The following TCERG1L variants were observed in gnomAD, a reference collection of about 807,000 sequenced individuals.
The protein encoded by TCERG1L is transcription elongation regulator 1 like.
TCERG1L carries 37 observed loss-of-function variants against 56.3 expected under a neutral mutation model. The ratio of observed to expected loss-of-function variants is 0.66; its 90% confidence interval spans 0.51 to 0.87. The LOEUF is 0.87. TCERG1L is among the 40% of genes least tolerant of loss of function. The probability of loss-of-function intolerance (pLI) is 0.00; values close to 1 mark genes in which losing one functional copy is unlikely to be tolerated. For synonymous variants in TCERG1L, 324 were observed against 326.3 expected (o/e 0.99, Z 0.08); for missense variants, 799 against 774.2 (o/e 1.03, Z -0.38).
chr10:131,166,892 G>T lies in TCERG1L; in HGVS notation c.857-7C>A. The T allele has an allele frequency of 6.2e-7, 1 of 1,605,354 alleles. No homozygotes were observed. Among genetic ancestry groups the T allele is most frequent in the South Asian group, 1.1e-5 (1 of 90,000 alleles). ...CCCCGCTCTGTCCTTGTATCTGTTG[G>T]GCCAAAGCAGTTGTCATTAACATTT... On this transcript the variant is annotated splice_polypyrimidine_tract_variant and splice_region_variant and intron_variant, in intron 4 of 11. Transcript: ENST00000368642.
chr10:131,256,992 G>GGAAAGAAAAGAAA (rs1846173501), intron 4 of TCERG1L, among the ~76,000 whole-genome samples: 8 of 59,214 alleles, frequency 1.4e-4, no homozygotes, highest in African/African-American at 3.9e-4. Flanking sequence ...AAGGAAGGAA[G>GGAAAGAAAAGAAA]GAAAGAAAGA....
chr10:131,123,292 G>A (rs1845531267), intron 8 of TCERG1L, among the ~76,000 whole-genome samples: 1 of 152,178 alleles, frequency 6.6e-6, no homozygotes. Flanking sequence ...CAAAGATGCT[G>A]GATGCTCAGG....
At chr10:131,094,856 T>C (rs1371544450) in intron 11 of TCERG1L, among the ~76,000 whole-genome samples, 1 of 151,974 alleles carries the variant, frequency 6.6e-6, no homozygotes, top group African/African-American at 2.4e-5. Context: ...CACGCTCCCC[T>C]GGCTAGACAG....
At chr10:131,236,616 G>A (rs1265760764) in intron 4 of TCERG1L, among the ~76,000 whole-genome samples, 1 of 152,220 alleles carries the variant, frequency 6.6e-6, no homozygotes, top group Non-Finnish European at 1.5e-5. Flanking sequence ...TTCGATGACA[G>A]CCATCCCCAC....
intron 7 of TCERG1L, among the ~76,000 whole-genome samples, chr10:131,138,044 A>G (rs1564799366): frequency 6.6e-6 from 1 of 152,194 alleles, no homozygotes; most frequent in Non-Finnish European, 1.5e-5. Context: ...AGAGGTGGGC[A>G]GATCACCTGA....
intron 4 of TCERG1L, among the ~76,000 whole-genome samples, chr10:131,229,443 C>T (rs1042197004): frequency 6.6e-6 from 1 of 152,218 alleles, no homozygotes. Context: ...ATGCTTCCTG[C>T]CCACATATAG....
Position 131,260,204 on chromosome 10 carries a change from C to T in TCERG1L, c.856+55G>A, listed in dbSNP as rs1340560078. 5.4e-6 allele frequency: 7 copies of T among 1,296,372 alleles called. No homozygotes were observed. Among genetic ancestry groups the T allele is most frequent in the Non-Finnish European group, 6.9e-6 (7 of 1,020,252 alleles). 80.3% of individuals were successfully genotyped at this position (1,296,372 alleles called of 1,614,324 possible). A position where few individuals can be genotyped will look rare whatever the true frequency, so the allele number is the denominator to read the frequency against. On this transcript the variant is annotated intron_variant, in intron 4 of 11. Transcript: ENST00000368642. The surrounding 1 kb of genome is among the most constrained non-coding windows in gnomAD (Gnocchi z 5.8). ...AGGCCAGGGGCATCTAACCAGGAAG[C>T]CTCCGCGCGCTCGCTAAGGCAGCAC...
At chr10:131,114,969 C>G (rs1405530842) in intron 9 of TCERG1L, among the ~76,000 whole-genome samples, 1 of 152,246 alleles carries the variant, frequency 6.6e-6, no homozygotes, top group East Asian at 1.9e-4. Flanking sequence ...GCCGTGCAGT[C>G]CGAGGGACAC....
chr10:131,274,980 C>T (rs1000102367), intron 3 of TCERG1L, among the ~76,000 whole-genome samples: 2 of 152,136 alleles, frequency 1.3e-5, no homozygotes, highest in Non-Finnish European at 2.9e-5. Flanking sequence ...CCCCTAGGCC[C>T]CACATTATAT....
At chr10:131,204,819 A>G (rs184795761) in intron 4 of TCERG1L, among the ~76,000 whole-genome samples, 5 of 152,216 alleles carry the variant, frequency 3.3e-5, no homozygotes, top group Non-Finnish European at 1.5e-5. Flanking sequence ...GCTGGAGAGA[A>G]GAGCCCACCT....
chr10:131,181,323 A>G (rs1217298452), intron 4 of TCERG1L, among the ~76,000 whole-genome samples: 1 of 152,118 alleles, frequency 6.6e-6, no homozygotes, highest in Admixed American at 6.5e-5. Flanking sequence ...CACCAGCAAC[A>G]CCAGGGGCCC....
At position 131,256,660 on chromosome 10, in the gene TCERG1L, C is replaced by T. The variant is rs56685741; in HGVS notation, c.856+3599G>A. ...CAGCACTTGGGGAGGCGGAGGTGGG[C>T]GGATCATGAGGTCAGGAGTTCGAGA... On this transcript the variant is annotated intron_variant, in intron 4 of 11. Transcript: ENST00000368642. Among the ~76,000 whole-genome samples, 613 of 152,000 alleles carry T rather than the reference C, an allele frequency of 4.0e-3. 1 individual carries two copies. Among genetic ancestry groups the T allele is most frequent in the African/African-American group, 0.014 (572 of 41,460 alleles).
At chr10:131,284,940 A>G (rs1162688970) in intron 3 of TCERG1L, among the ~76,000 whole-genome samples, 2 of 152,174 alleles carry the variant, frequency 1.3e-5, no homozygotes, top group Admixed American at 1.3e-4. Flanking sequence ...TTTTAAGAGG[A>G]AAGTTCTACA....
At chr10:131,121,973 C>T (rs1325796806) in intron 8 of TCERG1L, among the ~76,000 whole-genome samples, 1 of 152,224 alleles carries the variant, frequency 6.6e-6, no homozygotes, top group Non-Finnish European at 1.5e-5. Flanking sequence ...GAGGCTGTGC[C>T]AGCCCTCACT....
rs187389562 is a variant in TCERG1L at position 131,215,635 on chromosome 10, C to T, written c.856+44624G>A. On this transcript the variant is annotated intron_variant, in intron 4 of 11. Transcript: ENST00000368642. ...AGGCTCTGAGGATGCCTGGTCCAGC[C>T]CATGGGAGGGTGTTTGACTACAGCC... Among the ~76,000 whole-genome samples, 14 of 152,118 alleles carry T rather than the reference C, an allele frequency of 9.2e-5. No homozygotes were observed. The East Asian group carries it at 2.7e-3, about 30-fold the overall frequency.
intron 4 of TCERG1L, among the ~76,000 whole-genome samples, chr10:131,191,489 A>C (rs1845301190): frequency 7.0e-6 from 1 of 143,872 alleles, no homozygotes; most frequent in Non-Finnish European, 1.5e-5. Context: ...TTATACTATA[A>C]TACAAGACTA....
At chr10:131,205,364 T>TAAA (rs67880177) in intron 4 of TCERG1L, among the ~76,000 whole-genome samples, 2 of 141,172 alleles carry the variant, frequency 1.4e-5, no homozygotes, top group Non-Finnish European at 3.1e-5. Context: ...TCTCCTAATG[T>TAAA]AAAAAAAAAA....
At chr10:131,229,988 C>T (rs757841146) in intron 4 of TCERG1L, among the ~76,000 whole-genome samples, 20 of 151,226 alleles carry the variant, frequency 1.3e-4, no homozygotes, top group Non-Finnish European at 2.8e-4. Context: ...AGAAGCAGCT[C>T]TGAGCGTTGA....
intron 8 of TCERG1L, among the ~76,000 whole-genome samples, chr10:131,117,974 T>C (rs1267761132): frequency 6.6e-6 from 1 of 152,080 alleles, no homozygotes; most frequent in African/African-American, 2.4e-5. Context: ...GGCAGGTCCG[T>C]CGGCTGCCAC....
Sources: gnomAD v4.1 joint callset for allele counts (sites outside exome capture counted in the v4.1 genomes callset) on GRCh38, gnomAD v4.1.1 for gene constraint, Gnocchi (gnomAD v3.1) non-coding constraint, MANE v1.5 for transcripts, NCBI Gene and HGNC (gene_info 2026-07-23, HGNC 2026-07-21) for gene names.